The following KIF24 variants were observed in gnomAD, a reference collection of about 807,000 sequenced individuals.
KIF24 encodes the protein kinesin-like protein KIF24.
A neutral mutation model predicts 118.9 loss-of-function variants in KIF24; 81 were observed. The ratio of observed to expected loss-of-function variants is 0.68; its 90% CI spans 0.57 to 0.82. The LOEUF (loss-of-function observed/expected upper bound fraction) is 0.82, where lower values mean the gene tolerates loss of function less well. Ranked by LOEUF, KIF24 falls within the 40% of genes least tolerant of loss-of-function variation. The probability of loss-of-function intolerance (pLI) is 0.00; values close to 1 mark genes in which losing one functional copy is unlikely to be tolerated. For missense variants in KIF24, 1,560 were observed against 1,661.6 expected, an observed-to-expected ratio of 0.94 and a Z score of 1.06; for synonymous variants, 599 against 610.0, an observed-to-expected ratio of 0.98 and a Z score of 0.27.
At chr9:34,287,571 ATAACT>A (rs1362304557) in intron 5 of KIF24, among the ~76,000 whole-genome samples, 1 of 152,216 alleles carries the variant, frequency 6.6e-6, no homozygotes, top group African/African-American at 2.4e-5. Flanking sequence ...ATTCCACTTC[ATAACT>A]TAAAATACAA....
intron 8 of KIF24, among the ~76,000 whole-genome samples, 174 bp from the exon 9 acceptor site, chr9:34,263,346 T>C (rs1028374746): frequency 6.6e-6 from 1 of 152,070 alleles, no homozygotes; most frequent in African/African-American, 2.4e-5. Context: ...CCAAGCTAGA[T>C]TGGGAAACAC....
At chr9:34,303,130 G>C (rs781346768) in intron 3 of KIF24, among the ~76,000 whole-genome samples, 27 of 151,582 alleles carry the variant, frequency 1.8e-4, no homozygotes, top group South Asian at 1.0e-3. Context: ...ACCCAGGCTG[G>C]TTTTGAACCC....
chr9:34,280,283 C>CAAAAAAAAA (rs56387532), intron 6 of KIF24, among the ~76,000 whole-genome samples: 10 of 64,450 alleles, frequency 1.6e-4, no homozygotes, highest in African/African-American at 4.9e-4. Context: ...GACTCCGTCT[C>CAAAAAAAAA]AAAAAAAAAA....
At chr9:34,302,802 G>A (rs1315056892) in intron 3 of KIF24, among the ~76,000 whole-genome samples, 1 of 141,924 alleles carries the variant, frequency 7.0e-6, no homozygotes, top group Non-Finnish European at 1.5e-5. Context: ...CTGAGACGGA[G>A]TCTCCCTCTC....
At chr9:34,311,997 T>C (rs774347512) in intron 1 of KIF24, among the ~76,000 whole-genome samples, 3 of 152,070 alleles carry the variant, frequency 2.0e-5, no homozygotes, top group Non-Finnish European at 4.4e-5. Flanking sequence ...CTGTTTCCCA[T>C]GAATAATGAA....
At chr9:34,308,020 G>A (rs976457560) in intron 2 of KIF24, among the ~76,000 whole-genome samples, 1 of 152,148 alleles carries the variant, frequency 6.6e-6, no homozygotes, top group Admixed American at 6.5e-5. Flanking sequence ...ACCCAGACTG[G>A]AGTGCAGTGG....
chr9:34,294,312 T>C (rs1461776672), intron 4 of KIF24, among the ~76,000 whole-genome samples: 1 of 152,114 alleles, frequency 6.6e-6, no homozygotes, highest in African/African-American at 2.4e-5. Flanking sequence ...TCTAGGTTGT[T>C]ACCCAAAGTA....
intron 3 of KIF24, among the ~76,000 whole-genome samples, chr9:34,298,112 G>A (rs772121740): frequency 1.1e-4 from 16 of 152,090 alleles, no homozygotes; most frequent in Non-Finnish European, 2.2e-4. Flanking sequence ...GATGGAAGGG[G>A]GGAAGGTATT....
rs1265464770 is a variant in KIF24, at chr9:34,263,112, T to C, written c.1504A>G (p.Lys502Glu). ...ACATTTAACTTTACCTGAGTTAGTTTGCTTTGCCTGAAGGGAGTATGGGTG... is the reference window on the plus strand; with the variant it reads ...ACATTTAACTTTACCTGAGTTAGTTCGCTTTGCCTGAAGGGAGTATGGGTG... ...EHTHTPFRQS[K>E]LTQVLKDSFI... Residue 502 changes from lysine (K) to glutamate (E), a missense_variant, in exon 9 of 13, where the codon AAA (lysine) becomes GAA (glutamate). Physicochemically the swap from Lys to Glu is moderately conservative, Grantham distance 56. Transcript: ENST00000402558. 7 of 1,612,888 alleles carry C rather than the reference T, an allele frequency of 4.3e-6. No homozygotes were observed. The highest frequency in any genetic ancestry group is 1.7e-5 in the Admixed American group (1 of 59,944).
chr9:34,306,233 T>TC lies in KIF24; in HGVS notation c.813+18_813+19insG. ...TACTTGATAATATTAGTTCCAAACATAAAACGAAAACATCATACCTGCAGA... is the reference window on the plus strand; with the variant it reads ...TACTTGATAATATTAGTTCCAAACATCAAAACGAAAACATCATACCTGCAGA... On this transcript the variant is annotated intron_variant, in intron 3 of 12. Transcript: ENST00000402558. 1 of 1,535,104 alleles carries TC rather than the reference T, an allele frequency of 6.5e-7. No homozygotes were observed. The highest frequency in any genetic ancestry group is 8.8e-7 in the Non-Finnish European group (1 of 1,130,732).
chr9:34,327,904 A>C (rs1455821713), intron 1 of KIF24, among the ~76,000 whole-genome samples: 1 of 152,012 alleles, frequency 6.6e-6, no homozygotes, highest in African/African-American at 2.4e-5. Flanking sequence ...AGTGAATTAG[A>C]GACAGAGACA....
At position 34,257,927 on chromosome 9, in the gene KIF24, AT is replaced by A. The variant is rs1185258883; in HGVS notation, c.1679del (p.Asn560IlefsTer52). 2 of 1,613,786 alleles carry A rather than the reference AT, an allele frequency of 1.2e-6. No individual in the cohort carries two copies. Among genetic ancestry groups the A allele is most frequent in the Non-Finnish European group, 1.7e-6 (2 of 1,179,846 alleles). ...IKCCTSVTSR[N>X]RTSGNSSPKR... ...TTGGAGAGGAGTTTCCAGATGTCCG[AT>A]TTCGACTGGTAACTGAAGTGCAACA... On this transcript the variant is annotated frameshift_variant, in exon 11 of 13. Coordinates refer to ENST00000402558, the MANE Select transcript of KIF24 (RefSeq NM_194313.4). LOFTEE classifies it high-confidence loss of function.
chr9:34,329,588 C>T (rs1010956228), upstream of KIF24: 2 of 152,320 alleles, frequency 1.3e-5, no homozygotes, highest in East Asian at 1.9e-4. Flanking sequence ...CTCCTACCTC[C>T]TTCTGCTTCG....
upstream of KIF24, among the ~76,000 whole-genome samples, chr9:34,332,980 G>C (rs1050324311): frequency 6.6e-6 from 1 of 152,178 alleles, no homozygotes; most frequent in African/African-American, 2.4e-5. Context: ...TGGGAGGTGA[G>C]GGAGTAGTCA....
At chr9:34,301,620 G>A (rs968200595) in intron 3 of KIF24, among the ~76,000 whole-genome samples, 1 of 152,074 alleles carries the variant, frequency 6.6e-6, no homozygotes, top group African/African-American at 2.4e-5. Context: ...TGGATCACCT[G>A]AATTCAGGAG....
intron 6 of KIF24, among the ~76,000 whole-genome samples, chr9:34,281,519 T>C (rs1835849799): frequency 6.6e-6 from 1 of 152,210 alleles, no homozygotes; most frequent in Non-Finnish European, 1.5e-5. Flanking sequence ...AATATTTACC[T>C]TGATTTTGTG....
rs1837119645 is a variant in KIF24, at chr9:34,311,033, T to A, written c.314A>T (p.Asp105Val). Residue 105 changes from aspartate to valine, a missense_variant, in exon 2 of 13, where the codon GAC (aspartate) becomes GTC (valine). Physicochemically the swap from Asp to Val is radical, Grantham distance 152 (BLOSUM62 -3). Coordinates refer to ENST00000402558, the MANE Select transcript of KIF24 (RefSeq NM_194313.4). ...ATTGCTGGCATTTCTGTCTTTATTG[T>A]CAGCAGGAGAATCAAAATTCAGCTG... Reference protein sequence around the residue: ...RRQLNFDSPADNKDRNASNDG... With the variant: ...RRQLNFDSPAVNKDRNASNDG... The A allele has an allele frequency of 6.2e-7, 1 of 1,613,744 alleles. No homozygotes were observed. The highest frequency in any genetic ancestry group is 1.3e-5 in the African/African-American group (1 of 74,942).
Position 34,254,119 on chromosome 9 carries a change from A to G in KIF24, c.*261T>C. 1 of 368,046 alleles carries G rather than the reference A, an allele frequency of 2.7e-6. No homozygotes were observed. The highest frequency in any genetic ancestry group is 4.2e-5 in the East Asian group (1 of 23,730). The allele number at this position is 368,046 out of a possible 1,614,324, so 22.8% of individuals were successfully genotyped here. A position where few individuals can be genotyped will look rare whatever the true frequency, so the allele number is the denominator to read the frequency against. On this transcript the variant is annotated 3_prime_UTR_variant, in exon 13 of 13. Coordinates refer to ENST00000402558, the MANE Select transcript of KIF24 (RefSeq NM_194313.4). ...GGTTAGTTAATCATATTCTCTAGGCACAAGGGAAAGGCATTAGGTTCTTCG... is the reference window on the plus strand; with the variant it reads ...GGTTAGTTAATCATATTCTCTAGGCGCAAGGGAAAGGCATTAGGTTCTTCG...
rs753081303 is a variant in KIF24, at chr9:34,290,392, G to T, written c.912-3C>A. 8.2e-6 allele frequency: 13 copies of T among 1,592,386 alleles called. 1 individual carries two copies. The South Asian group carries it at 1.4e-4, about 18-fold the overall frequency. On this transcript the variant is annotated splice_region_variant and splice_polypyrimidine_tract_variant and intron_variant, in intron 4 of 12. Coordinates refer to ENST00000402558, the MANE Select transcript of KIF24 (RefSeq NM_194313.4). ...AAGCAAAGCAAGTGGCATTGCCTCT[G>T]GGGAAAGGATAATTTGCATTACTTA...
Sources: allele counts gnomAD v4.1 joint callset (sites outside exome capture counted in the v4.1 genomes callset), GRCh38; gene constraint gnomAD v4.1.1; transcripts MANE v1.5; gene names NCBI Gene and HGNC (gene_info 2026-07-23, HGNC 2026-07-21).